The following RCAN2 variants were observed in gnomAD, a reference collection of about 807,000 sequenced individuals.
RCAN2 encodes calcipressin-2.
RCAN2 carries 9 observed loss-of-function variants against 23.6 expected under a neutral mutation model. The ratio of observed to expected loss-of-function variants is 0.38; its 90% CI spans 0.23 to 0.67. The LOEUF is 0.67. Ranked by LOEUF, RCAN2 falls within the 30% of genes least tolerant of loss-of-function variation. The probability of loss-of-function intolerance (pLI) is 0.51; values close to 1 mark genes in which losing one functional copy is unlikely to be tolerated. For missense variants in RCAN2, 273 were observed against 302.3 expected (o/e 0.90, Z 0.72); for synonymous variants, 109 against 115.7 (o/e 0.94, Z 0.37).
chr6:46,419,113 C>T lies in RCAN2; in HGVS notation c.225+37639G>A, dbSNP rs569541964. 1.2e-4 allele frequency among the ~76,000 whole-genome samples: 18 copies of T among 152,186 alleles called. No homozygotes were observed. The South Asian group carries it at 2.7e-3, about 23-fold the overall frequency. On this transcript the variant is annotated intron_variant, in intron 2 of 4. Transcript: ENST00000371374. ...TTGTAGGCATATGGTGAAAATACGA[C>T]GTAATAGTGAGCTACAGTACATCTC...
chr6:46,271,361 T>C (rs1294287771), intron 2 of RCAN2, among the ~76,000 whole-genome samples: 1 of 152,174 alleles, frequency 6.6e-6, no homozygotes, highest in African/African-American at 2.4e-5. Context: ...TATTAAGGCC[T>C]TCAACTGATT....
intron 2 of RCAN2, among the ~76,000 whole-genome samples, chr6:46,349,617 C>G (rs1348832326): frequency 2.0e-5 from 3 of 151,974 alleles, no homozygotes; most frequent in Non-Finnish European, 4.4e-5. Flanking sequence ...AAAGGCAGAA[C>G]TGTTCTACTC....
At position 46,337,174 on chromosome 6, in the gene RCAN2, A is replaced by T. The variant is rs1037531080; in HGVS notation, c.226-88278T>A. ...ATGTTAAAAAAAAGCAAAAAAAATT[A>T]AAAAAAGAAGGGGAAGGATAAAAAA... On this transcript the variant is annotated intron_variant, in intron 2 of 4. Coordinates refer to ENST00000371374, the MANE Select transcript of RCAN2 (RefSeq NM_001251974.2). Among the ~76,000 whole-genome samples the T allele has an allele frequency of 8.5e-5, 13 of 152,252 alleles. No individual in the cohort carries two copies. The East Asian group carries it at 2.1e-3, about 25-fold the overall frequency.
intron 2 of RCAN2, among the ~76,000 whole-genome samples, chr6:46,348,422 C>A (rs953320306): frequency 5.9e-5 from 9 of 152,106 alleles, no homozygotes; most frequent in Middle Eastern, 3.2e-3. Context: ...GACTCTAGAA[C>A]CCCTTTCTCT....
chr6:46,426,743 G>T (rs2150414879), intron 2 of RCAN2, among the ~76,000 whole-genome samples: 1 of 152,294 alleles, frequency 6.6e-6, no homozygotes, highest in African/African-American at 2.4e-5. Flanking sequence ...AACAGATCAG[G>T]TGTTCAATAA....
At chr6:46,408,521 T>C (rs1343945839) in intron 2 of RCAN2, among the ~76,000 whole-genome samples, 1 of 152,212 alleles carries the variant, frequency 6.6e-6, no homozygotes, top group Non-Finnish European at 1.5e-5. Context: ...TGTTACTGTT[T>C]TCTAGTAATG....
chr6:46,294,191 G>A (rs938454039), intron 2 of RCAN2, among the ~76,000 whole-genome samples: 2 of 152,024 alleles, frequency 1.3e-5, no homozygotes, highest in Non-Finnish European at 2.9e-5. Context: ...AAGACAAACC[G>A]ACAACATGCA....
intron 2 of RCAN2, among the ~76,000 whole-genome samples, chr6:46,291,464 T>C (rs1762560713): frequency 6.6e-6 from 1 of 151,732 alleles, no homozygotes; most frequent in African/African-American, 2.4e-5. Context: ...TTGCCTACAA[T>C]GCTAGTGGAA....
intron 2 of RCAN2, among the ~76,000 whole-genome samples, chr6:46,371,709 C>T (rs1332625661): frequency 6.6e-6 from 1 of 152,090 alleles, no homozygotes; most frequent in Non-Finnish European, 1.5e-5. Flanking sequence ...ACTAATCAGG[C>T]CTAGATGGAG....
At chr6:46,417,579 A>G (rs1255521076) in intron 2 of RCAN2, among the ~76,000 whole-genome samples, 1 of 152,194 alleles carries the variant, frequency 6.6e-6, no homozygotes, top group Non-Finnish European at 1.5e-5. Context: ...TCTATCATTC[A>G]GTTGCCATTA....
chr6:46,359,350 G>A (rs6924536), intron 2 of RCAN2, among the ~76,000 whole-genome samples: 3,978 of 152,232 alleles, frequency 0.026, 162 homozygotes, highest in African/African-American at 0.087. Context: ...ACAGAGACAG[G>A]GACTGGGCTC....
At chr6:46,418,203 A>G (rs1463233547) in intron 2 of RCAN2, among the ~76,000 whole-genome samples, 2 of 142,988 alleles carry the variant, frequency 1.4e-5, no homozygotes, top group African/African-American at 6.1e-5. Flanking sequence ...GTCAGAGACA[A>G]ACAACCTGAA....
At chr6:46,331,889 A>G (rs1284173815) in intron 2 of RCAN2, among the ~76,000 whole-genome samples, 1 of 152,218 alleles carries the variant, frequency 6.6e-6, no homozygotes, top group Non-Finnish European at 1.5e-5. Context: ...CACACCAGAT[A>G]TCTTCGTTCT....
intron 2 of RCAN2, among the ~76,000 whole-genome samples, chr6:46,291,312 G>C (rs1006136773): frequency 3.1e-4 from 40 of 130,420 alleles, no homozygotes; most frequent in African/African-American, 1.1e-3. Context: ...TGTTATTTTT[G>C]CTTTTTAAAT....
chr6:46,321,715 C>A (rs1267016483), intron 2 of RCAN2, among the ~76,000 whole-genome samples: 1 of 152,206 alleles, frequency 6.6e-6, no homozygotes, highest in African/African-American at 2.4e-5. Flanking sequence ...AGAAGGCCCC[C>A]CACAGTGGCC....
In RCAN2 at chr6:46,263,513, A is replaced by ATGTG. The variant is rs1267211253; in HGVS notation, c.226-14621_226-14618dup. Among the ~76,000 whole-genome samples the ATGTG allele has an allele frequency of 9.1e-3, 513 of 56,298 alleles. 11 individuals carry two copies. The highest frequency in any genetic ancestry group is 0.014 in the Non-Finnish European group (381 of 26,672). The allele number at this position is 56,298 out of a possible 152,430, so 36.9% of individuals were successfully genotyped here. ...TGTGTGTATGTGTGTATGTGTGTGT[A>ATGTG]TGTGTGTATGTGTGTGTGTGTGTGT... On this transcript the variant is annotated intron_variant, in intron 2 of 4. Coordinates refer to ENST00000371374, the MANE Select transcript of RCAN2 (RefSeq NM_001251974.2).
At chr6:46,247,688 C>A (rs77200768) in intron 3 of RCAN2, among the ~76,000 whole-genome samples, 346 of 152,200 alleles carry the variant, frequency 2.3e-3, no homozygotes, top group African/African-American at 7.1e-3. Context: ...TATTTTAGTC[C>A]TTTTTATGGA....
intron 4 of RCAN2, among the ~76,000 whole-genome samples, chr6:46,226,568 A>G (rs1055010411): frequency 1.3e-5 from 2 of 152,210 alleles, no homozygotes; most frequent in Non-Finnish European, 2.9e-5. Flanking sequence ...GAGTTTACTC[A>G]TGATTTGGCT....
Position 46,248,377 on chromosome 6 carries a change from C to T in RCAN2, c.399+346G>A, listed in dbSNP as rs369267817. On this transcript the variant is annotated intron_variant, in intron 3 of 4. Coordinates refer to ENST00000371374, the MANE Select transcript of RCAN2 (RefSeq NM_001251974.2). ...ACGTCATTCTTATTATAACTACTAG[C>T]GGGCATTTATTGTGTATTTGCCAAA... Among the ~76,000 whole-genome samples the T allele has an allele frequency of 9.1e-4, 138 of 152,248 alleles. No homozygotes were observed. In the South Asian group the frequency reaches 0.021, roughly 24 times the overall value.
Sources: allele counts gnomAD v4.1 joint callset (sites outside exome capture counted in the v4.1 genomes callset), GRCh38; gene constraint gnomAD v4.1.1; transcripts MANE v1.5; gene names NCBI Gene and HGNC (gene_info 2026-07-23, HGNC 2026-07-21).